The following NHS variants were observed in gnomAD, a reference collection of about 807,000 sequenced individuals.
NHS encodes NHS actin remodeling regulator, also known as actin remodeling regulator NHS.
NHS carries 5 observed loss-of-function variants against 72.5 expected under a neutral mutation model. The observed-to-expected ratio is 0.07, with a 90% CI of 0.04 to 0.14. The LOEUF (loss-of-function observed/expected upper bound fraction) is 0.14. Among genes scored for constraint, NHS ranks in the 10% least tolerant of loss-of-function variants. The pLI is 1.00. For synonymous variants in NHS, 464 were observed against 547.7 expected, an observed-to-expected ratio of 0.85 and a Z score of 2.13; for missense variants, 1,072 against 1,355.7, an observed-to-expected ratio of 0.79 and a Z score of 3.29.
At chrX:17,545,172 G>T (rs1482619278) in intron 1 of NHS, among the ~76,000 whole-genome samples, 1 of 112,476 alleles carries the variant, frequency 8.9e-6, no homozygotes, top group Non-Finnish European at 1.9e-5. Flanking sequence ...CCCAAAGCCT[G>T]CATTGAAGAG....
rs1471921040 is a variant in NHS at position 17,383,999 on chromosome X, A to G, written c.565+7677A>G. Among the ~76,000 whole-genome samples, 6 of 112,303 alleles carry G rather than the reference A, an allele frequency of 5.3e-5. No individual in the cohort carries two copies. In the East Asian group the frequency reaches 1.7e-3, roughly 31 times the overall value. On this transcript the variant is annotated intron_variant, in intron 1 of 8. Coordinates refer to ENST00000676302, the MANE Select transcript of NHS (RefSeq NM_001291867.2). ...TTTGGAATGCATAAGTGACAGCCCC[A>G]GGAGATCCAAACTACCTATTTGAGA...
chrX:17,685,325 C>T (rs1010051098), intron 1 of NHS, among the ~76,000 whole-genome samples: 8 of 111,519 alleles, frequency 7.2e-5, no homozygotes, highest in East Asian at 5.6e-4. Context: ...GGCAGAAATC[C>T]GATATAGCTT....
In NHS at chrX:17,544,614, C is replaced by T. The variant is rs527470939; in HGVS notation, c.566-143128C>T. On this transcript the variant is annotated intron_variant, in intron 1 of 8. Transcript: ENST00000676302. ...GCAACCTCTGCCTCCCGGGTTCAAG[C>T]GAATCTCCCTGCCTCAGCCTCCTGA... 2.2e-4 allele frequency among the ~76,000 whole-genome samples: 25 copies of T among 111,864 alleles called. No individual in the cohort carries two copies. The South Asian group carries it at 3.4e-3, about 15-fold the overall frequency.
At chrX:17,549,427 C>A (rs2065317380) in intron 1 of NHS, among the ~76,000 whole-genome samples, 1 of 111,127 alleles carries the variant, frequency 9.0e-6, no homozygotes, top group Non-Finnish European at 1.9e-5. Flanking sequence ...CCACCCTCCC[C>A]ACTACCATGA....
At chrX:17,480,951 C>T (rs1424572292) in intron 1 of NHS, among the ~76,000 whole-genome samples, 7 of 111,636 alleles carry the variant, frequency 6.3e-5, no homozygotes, top group South Asian at 3.8e-4. Context: ...CCTTAGTACA[C>T]GGCTTCCATG....
intron 1 of NHS, among the ~76,000 whole-genome samples, chrX:17,553,703 T>G (rs2065349597): frequency 8.9e-6 from 1 of 111,822 alleles, no homozygotes; most frequent in Non-Finnish European, 1.9e-5. Context: ...CCCAGCTTCC[T>G]TCTTTCCTTA....
chrX:17,583,739 A>C (rs1487452468), intron 1 of NHS, among the ~76,000 whole-genome samples: 1 of 112,038 alleles, frequency 8.9e-6, no homozygotes, highest in Non-Finnish European at 1.9e-5. Context: ...TCCACAAATT[A>C]TTGTAGGATT....
At chrX:17,445,770 C>G (rs1198694423) in intron 1 of NHS, among the ~76,000 whole-genome samples, 1 of 98,749 alleles carries the variant, frequency 1.0e-5, no homozygotes, top group African/African-American at 3.8e-5. Flanking sequence ...GGGGGGGACT[C>G]TGTATATTTT....
intron 1 of NHS, among the ~76,000 whole-genome samples, chrX:17,516,019 C>G (rs2065117452): frequency 9.6e-6 from 1 of 103,644 alleles, no homozygotes; most frequent in Admixed American, 1.1e-4. Context: ...TTCAAGTTTT[C>G]TAGGAGACAA....
At chrX:17,572,927 G>T (rs112976288) in intron 1 of NHS, among the ~76,000 whole-genome samples, 9,437 of 110,867 alleles carry the variant, frequency 0.085, 831 homozygotes, top group African/African-American at 0.26. Context: ...TTATTTCTCC[G>T]TCACTTATGA....
At chrX:17,730,846 A>G (rs2066482129) in intron 8 of NHS, among the ~76,000 whole-genome samples, 3 of 112,242 alleles carry the variant, frequency 2.7e-5, no homozygotes, top group African/African-American at 6.5e-5. Flanking sequence ...TGGGATTTCA[A>G]TTCCCCACAG....
rs190135916 is a variant in NHS, at chrX:17,394,726, C to T, written c.565+18404C>T. Among the ~76,000 whole-genome samples, 9 of 110,999 alleles carry T rather than the reference C, an allele frequency of 8.1e-5. No homozygotes were observed. The Admixed American group carries it at 8.7e-4, about 11-fold the overall frequency. On this transcript the variant is annotated intron_variant, in intron 1 of 8. Coordinates refer to ENST00000676302, the MANE Select transcript of NHS (RefSeq NM_001291867.2). ...ACTTTGTTTTCCTTCAACCCCCTAA[C>T]TTCTTCCTATGGCCAACCCCACCCC...
chrX:17,625,587 C>G (rs1179420788), intron 1 of NHS, among the ~76,000 whole-genome samples: 2 of 111,944 alleles, frequency 1.8e-5, no homozygotes, highest in Non-Finnish European at 1.9e-5. Flanking sequence ...CTTTATAATC[C>G]TTCAGTTTGA....
At chrX:17,504,883 A>C (rs2065049700) in intron 1 of NHS, among the ~76,000 whole-genome samples, 1 of 112,356 alleles carries the variant, frequency 8.9e-6, no homozygotes, top group South Asian at 3.7e-4. Flanking sequence ...CTAACTCTAA[A>C]GAAAGGAATA....
At chrX:17,462,484 G>A in intron 1 of NHS, among the ~76,000 whole-genome samples, 1 of 111,731 alleles carries the variant, frequency 9.0e-6, no homozygotes, top group Admixed American at 9.5e-5. Flanking sequence ...CCAAACTATA[G>A]GGATAATGAT....
chrX:17,609,148 C>T (rs776632492), intron 1 of NHS, among the ~76,000 whole-genome samples: 2 of 111,665 alleles, frequency 1.8e-5, no homozygotes, highest in East Asian at 5.6e-4. Flanking sequence ...ACTGAGCCAC[C>T]CCATCATTGA....
intron 1 of NHS, among the ~76,000 whole-genome samples, chrX:17,392,836 C>T (rs1257330577): frequency 8.9e-6 from 1 of 112,158 alleles, no homozygotes; most frequent in Non-Finnish European, 1.9e-5. Context: ...ACATTTTCAG[C>T]CCTCTAGAAA....
chrX:17,424,761 G>A (rs752100354), intron 1 of NHS, among the ~76,000 whole-genome samples: 1 of 112,282 alleles, frequency 8.9e-6, no homozygotes, highest in Non-Finnish European at 1.9e-5. Context: ...TTAGAGAATG[G>A]ATGTGCTCCT....
intron 1 of NHS, among the ~76,000 whole-genome samples, chrX:17,385,747 T>A (rs909540592): frequency 8.9e-6 from 1 of 112,038 alleles, no homozygotes; most frequent in African/African-American, 3.2e-5. Flanking sequence ...ATACAAACAG[T>A]TTCCATATAT....
Sources: gnomAD v4.1 joint callset for allele counts (sites outside exome capture counted in the v4.1 genomes callset) on GRCh38, gnomAD v4.1.1 for gene constraint, MANE v1.5 for transcripts, NCBI Gene and HGNC (gene_info 2026-07-23, HGNC 2026-07-21) for gene names.